GCNT1: variants seen among roughly 807,000 people sequenced by gnomAD.
GCNT1 encodes the protein glucosaminyl (N-acetyl) transferase 1.
In GCNT1, 16 loss-of-function variants were observed where a neutral mutation model predicts 26.2. That is an observed-to-expected ratio of 0.61 (90% CI 0.41 to 0.93). The LOEUF (loss-of-function observed/expected upper bound fraction) is 0.93, where lower values mean the gene tolerates loss of function less well. Among genes scored for constraint, GCNT1 ranks in the 40% least tolerant of loss-of-function variants. GCNT1 has a pLI of 0.00. For synonymous variants in GCNT1, 183 were observed against 190.8 expected (o/e 0.96, Z 0.34); for missense variants, 477 against 526.7 (o/e 0.91, Z 0.92).
At chr9:76,422,467 G>A (rs1823208109) in intron 1 of GCNT1, among the ~76,000 whole-genome samples, 1 of 152,144 alleles carries the variant, frequency 6.6e-6, no homozygotes, top group Admixed American at 6.6e-5. Flanking sequence ...GCTTTATTAT[G>A]GTGGAACAAT....
intron 2 of GCNT1, among the ~76,000 whole-genome samples, chr9:76,463,615 A>C (rs1279842800): frequency 2.6e-5 from 4 of 152,218 alleles, no homozygotes; most frequent in Non-Finnish European, 5.9e-5. Flanking sequence ...AGTCATGGGT[A>C]CTGGAGCAAC....
chr9:76,398,147 C>G, the GCNT1 span, among the ~76,000 whole-genome samples: 1 of 151,140 alleles, frequency 6.6e-6, no homozygotes, highest in Non-Finnish European at 1.5e-5. Flanking sequence ...AAAGAAGGAT[C>G]ACAAATAAGA....
At position 76,490,810 on chromosome 9, in the gene GCNT1, C is replaced by T. The variant is rs1054306808; in HGVS notation, c.-289-10106C>T. On this transcript the variant is annotated intron_variant, in intron 2 of 3. Transcript: ENST00000376730. ...TACTGAATACCCATTGTGTCTTTTC[C>T]TGTTCTGAAGGGAGTTCCTCCTAGG... Among the ~76,000 whole-genome samples the T allele has an allele frequency of 2.0e-5, 3 of 152,198 alleles. No homozygotes were observed. In the South Asian group the frequency reaches 6.2e-4, roughly 31 times the overall value.
the GCNT1 span, among the ~76,000 whole-genome samples, chr9:76,411,012 C>T: frequency 1.3e-5 from 2 of 152,356 alleles, no homozygotes; most frequent in East Asian, 1.9e-4. Context: ...GCTGCTCCCA[C>T]TCCCTTTTGA....
chr9:76,410,747 A>G, the GCNT1 span, among the ~76,000 whole-genome samples: 2 of 152,200 alleles, frequency 1.3e-5, no homozygotes, highest in Non-Finnish European at 2.9e-5. Context: ...TGTCAATTAT[A>G]CCCCATTGAT....
chr9:76,435,364 C>T (rs777035106), intron 1 of GCNT1, among the ~76,000 whole-genome samples: 13 of 152,252 alleles, frequency 8.5e-5, no homozygotes, highest in Middle Eastern at 3.4e-3. Context: ...AAAGAGCCTA[C>T]GTTGAAATTT....
chr9:76,495,557 C>A (rs1824884452), intron 2 of GCNT1, among the ~76,000 whole-genome samples: 1 of 152,178 alleles, frequency 6.6e-6, no homozygotes, highest in Admixed American at 6.5e-5. Flanking sequence ...GTCCATTTTA[C>A]AGAATGCTGA....
At chr9:76,465,180 G>A (rs1381742215) in intron 2 of GCNT1, among the ~76,000 whole-genome samples, 1 of 127,608 alleles carries the variant, frequency 7.8e-6, no homozygotes, top group Non-Finnish European at 1.8e-5. Flanking sequence ...TTTTTTTTTA[G>A]ACGGAGCCTT....
intron 2 of GCNT1, among the ~76,000 whole-genome samples, chr9:76,482,340 G>C (rs1389640352): frequency 6.6e-6 from 1 of 152,002 alleles, no homozygotes; most frequent in Admixed American, 6.5e-5. Context: ...AAGAATCAGG[G>C]CTGGGCGTGG....
upstream of GCNT1, among the ~76,000 whole-genome samples, chr9:76,414,911 T>G (rs72745161): frequency 4.5e-4 from 69 of 152,322 alleles, no homozygotes; most frequent in Non-Finnish European, 8.5e-4. Context: ...TGAATAAGAA[T>G]GCCTAACCTC....
chr9:76,409,177 G>A, the GCNT1 span, among the ~76,000 whole-genome samples: 20 of 152,070 alleles, frequency 1.3e-4, no homozygotes, highest in African/African-American at 3.1e-4. Context: ...GAGTTTTGGC[G>A]AACGTGTCTT....
chr9:76,413,755 A>G, the GCNT1 span, among the ~76,000 whole-genome samples: 1 of 145,246 alleles, frequency 6.9e-6, no homozygotes, highest in African/African-American at 2.5e-5. Flanking sequence ...TAATTTGTGG[A>G]AAGTCTCAGT....
At chr9:76,454,198 T>C (rs992470150), upstream of GCNT1, among the ~76,000 whole-genome samples, 1 of 151,358 alleles carries the variant, frequency 6.6e-6, no homozygotes, top group African/African-American at 2.4e-5. Flanking sequence ...CTGACCAACA[T>C]GGTGAAAACT....
chr9:76,440,216 C>T (rs1823466743), upstream of GCNT1, among the ~76,000 whole-genome samples: 1 of 152,146 alleles, frequency 6.6e-6, no homozygotes, highest in South Asian at 2.1e-4. Context: ...CCCACATCAC[C>T]TTCTCTCTGA....
Position 76,503,932 on chromosome 9 carries a change from A to G in GCNT1, c.*264A>G. ...CAGAGCAGGTAGCAAGGCATTGTGG[A>G]AAGAGGGGACCAGGGTGGCTGGGGA... is the stretch of plus-strand genomic sequence containing the variant. On this transcript the variant is annotated 3_prime_UTR_variant, in exon 4 of 4. Transcript: ENST00000376730. 4.3e-6 allele frequency: 2 copies of G among 469,130 alleles called. No homozygotes were observed. Among genetic ancestry groups the G allele is most frequent in the Non-Finnish European group, 8.1e-6 (2 of 248,086 alleles). 29.1% of individuals were successfully genotyped at this position (469,130 alleles called of 1,614,324 possible). A position where few individuals can be genotyped will look rare whatever the true frequency, so the allele number is the denominator to read the frequency against.
At chr9:76,444,897 AAACTGCAGCAAACTATGATCAC>A (rs1234787645) in intron 1 of GCNT1, among the ~76,000 whole-genome samples, 1 of 152,206 alleles carries the variant, frequency 6.6e-6, no homozygotes, top group African/African-American at 2.4e-5. Flanking sequence ...AGGAGTCAGT[AAACTGCAGCAAACTATGATCAC>A]ACCTGTTCAT....
chr9:76,492,259 C>T (rs1824761854), intron 2 of GCNT1, among the ~76,000 whole-genome samples: 2 of 152,146 alleles, frequency 1.3e-5, no homozygotes, highest in Non-Finnish European at 2.9e-5. Context: ...ACTTGTTCCC[C>T]ATATTCATGT....
chr9:76,439,228 T>C (rs111476636), upstream of GCNT1, among the ~76,000 whole-genome samples: 12,509 of 143,684 alleles, frequency 0.087, 793 homozygotes, highest in African/African-American at 0.18. Context: ...TTTTTCTTTT[T>C]TTTTTTTTTT....
At chr9:76,413,926 G>C in the GCNT1 span, among the ~76,000 whole-genome samples, 37 of 151,608 alleles carry the variant, frequency 2.4e-4, no homozygotes, top group African/African-American at 8.7e-4. Flanking sequence ...TTTCAGTTTT[G>C]GAAGGTTCTA....
Sources: gnomAD v4.1 joint callset for allele counts (sites outside exome capture counted in the v4.1 genomes callset) on GRCh38, gnomAD v4.1.1 for gene constraint, MANE v1.5 for transcripts, NCBI Gene and HGNC (gene_info 2026-07-23, HGNC 2026-07-21) for gene names.